CNTN4: variants seen among roughly 807,000 people sequenced by gnomAD.
CNTN4 encodes contactin-4.
CNTN4 carries 77 observed loss-of-function variants against 122.5 expected under a neutral mutation model. The ratio of observed to expected loss-of-function variants is 0.63; its 90% CI spans 0.52 to 0.76. The LOEUF (loss-of-function observed/expected upper bound fraction) is 0.76, where lower values mean the gene tolerates loss of function less well. Ranked by LOEUF, CNTN4 falls within the 30% of genes least tolerant of loss-of-function variation. CNTN4 has a pLI of 0.00. For missense variants in CNTN4, 1,256 were observed against 1,259.1 expected (o/e 1.00, Z 0.04); for synonymous variants, 512 against 447.0 (o/e 1.15, Z -1.83).
intron 3 of CNTN4, among the ~76,000 whole-genome samples, chr3:2,497,426 TGTG>T (rs1001055258): frequency 6.6e-6 from 1 of 152,184 alleles, no homozygotes; most frequent in Non-Finnish European, 1.5e-5. Context: ...AAATCCAGAA[TGTG>T]GTACATTTTC....
At chr3:2,631,331 T>C (rs2082419013) in intron 4 of CNTN4, among the ~76,000 whole-genome samples, 1 of 152,218 alleles carries the variant, frequency 6.6e-6, no homozygotes, top group South Asian at 2.1e-4. Context: ...CTTCTGTTAG[T>C]GAACCTCACA....
intron 2 of CNTN4, among the ~76,000 whole-genome samples, chr3:2,104,640 T>G (rs1305026321): frequency 1.3e-5 from 2 of 152,208 alleles, no homozygotes. Flanking sequence ...GTGGTTGTCA[T>G]GACTTCTGCC....
chr3:2,482,819 G>C (rs1231674169), intron 3 of CNTN4, among the ~76,000 whole-genome samples: 5 of 152,222 alleles, frequency 3.3e-5, no homozygotes, highest in Admixed American at 3.3e-4. Flanking sequence ...CCTCCACTTA[G>C]ATTTCAGAGG....
intron 3 of CNTN4, among the ~76,000 whole-genome samples, chr3:2,412,356 A>G (rs2047255677): frequency 6.6e-6 from 1 of 151,504 alleles, no homozygotes; most frequent in Admixed American, 6.6e-5. Flanking sequence ...GGTTCAAGTG[A>G]TTCTCCTGCT....
chr3:2,554,890 C>A (rs2149385187), intron 3 of CNTN4, among the ~76,000 whole-genome samples: 1 of 152,276 alleles, frequency 6.6e-6, no homozygotes, highest in Admixed American at 6.5e-5. Context: ...ACGTTTGTCC[C>A]ATGGGATTTT....
intron 13 of CNTN4, among the ~76,000 whole-genome samples, chr3:2,987,506 C>A (rs902297233): frequency 6.6e-6 from 1 of 152,180 alleles, no homozygotes. Context: ...AAGATGTGAG[C>A]AGATCTGAAA....
At chr3:2,513,191 A>G (rs1371143444) in intron 3 of CNTN4, among the ~76,000 whole-genome samples, 1 of 152,184 alleles carries the variant, frequency 6.6e-6, no homozygotes, top group East Asian at 1.9e-4. Flanking sequence ...AAGTAACGGC[A>G]AGTGGTTTTG....
At chr3:2,676,926 G>A (rs1290876049) in intron 4 of CNTN4, among the ~76,000 whole-genome samples, 1 of 152,124 alleles carries the variant, frequency 6.6e-6, no homozygotes, top group Non-Finnish European at 1.5e-5. Context: ...TGTTTGTGTG[G>A]ACTAGGAACA....
chr3:2,417,542 G>T (rs9811512), intron 3 of CNTN4, among the ~76,000 whole-genome samples: 7,436 of 152,164 alleles, frequency 0.049, 602 homozygotes, highest in African/African-American at 0.16. Context: ...CTAGGGGAGT[G>T]ATTGTAATAA....
chr3:2,354,092 TAAA>T (rs2044764772), intron 3 of CNTN4, among the ~76,000 whole-genome samples: 2 of 152,240 alleles, frequency 1.3e-5, no homozygotes, highest in South Asian at 4.1e-4. Flanking sequence ...TCTTGTTGAT[TAAA>T]AACACGTAAG....
intron 3 of CNTN4, among the ~76,000 whole-genome samples, chr3:2,518,314 C>T (rs945530453): frequency 1.3e-5 from 2 of 151,922 alleles, no homozygotes; most frequent in Admixed American, 6.6e-5. Flanking sequence ...CTAAATGATA[C>T]GTTGATTATA....
intron 13 of CNTN4, among the ~76,000 whole-genome samples, chr3:2,969,064 C>T (rs1237614296): frequency 6.6e-6 from 1 of 152,194 alleles, no homozygotes; most frequent in Non-Finnish European, 1.5e-5. Flanking sequence ...GCAACTATCA[C>T]CATCATCTCA....
At chr3:2,823,642 T>C (rs2092924300) in intron 7 of CNTN4, among the ~76,000 whole-genome samples, 1 of 152,222 alleles carries the variant, frequency 6.6e-6, no homozygotes, top group African/African-American at 2.4e-5. Context: ...CTTTGCTTTC[T>C]GCCAACTCCA....
rs1559415489 is a variant in CNTN4, at chr3:2,287,672, AGAAGAAGAAGAAGAAGAAGAG to A, written c.-144-51488_-144-51468del. ...AAGAAGAAGAAGAAGAAGAAGAAGA[AGAAGAAGAAGAAGAAGAAGAG>A]GAAGAAGAAGAAGAAGAGGAAGAAG... On this transcript the variant is annotated intron_variant, in intron 2 of 24. Transcript: ENST00000418658. 4.7e-3 allele frequency among the ~76,000 whole-genome samples: 299 copies of A among 63,508 alleles called. 3 individuals carry two copies. Among genetic ancestry groups the A allele is most frequent in the African/African-American group, 9.3e-3 (179 of 19,274 alleles). 41.7% of individuals were successfully genotyped at this position (63,508 alleles called of 152,430 possible).
chr3:2,763,658 G>A (rs6790667), intron 6 of CNTN4, among the ~76,000 whole-genome samples: 128,831 of 152,182 alleles, frequency 0.85, 54,805 homozygotes, highest in Admixed American at 0.91. Context: ...TAATTTTTGT[G>A]TATGGTATAA....
At chr3:2,778,145 C>T (rs1222704183) in intron 6 of CNTN4, among the ~76,000 whole-genome samples, 6 of 139,034 alleles carry the variant, frequency 4.3e-5, no homozygotes, top group Admixed American at 7.0e-5. Flanking sequence ...ACCCAGGAAG[C>T]GGAGCTTGTG....
chr3:2,448,428 G>A (rs985001274), intron 3 of CNTN4, among the ~76,000 whole-genome samples: 1 of 152,170 alleles, frequency 6.6e-6, no homozygotes, highest in Non-Finnish European at 1.5e-5. Flanking sequence ...TGGAGTGATA[G>A]GGAGTTGTGT....
chr3:2,907,489 C>T (rs758198970), intron 12 of CNTN4, among the ~76,000 whole-genome samples: 15 of 151,506 alleles, frequency 9.9e-5, no homozygotes, highest in Non-Finnish European at 1.8e-4. Context: ...AGGAGAATCA[C>T]TTGAACCCGG....
intron 2 of CNTN4, among the ~76,000 whole-genome samples, chr3:2,152,210 C>T (rs949665573): frequency 6.6e-6 from 1 of 152,106 alleles, no homozygotes; most frequent in African/African-American, 2.4e-5. Flanking sequence ...AGTACAAAAG[C>T]CGTAAGGTAG....
Sources: gnomAD v4.1 joint callset for allele counts (sites outside exome capture counted in the v4.1 genomes callset) on GRCh38, gnomAD v4.1.1 for gene constraint, MANE v1.5 for transcripts, NCBI Gene and HGNC (gene_info 2026-07-23, HGNC 2026-07-21) for gene names.